Variants in CD5 observed in about 807,000 individuals in gnomAD.
CD5 encodes T-cell surface glycoprotein CD5.
Under a neutral mutation model 60.3 loss-of-function variants are expected in CD5, and 36 were observed. That is an observed-to-expected ratio of 0.60 (90% CI 0.46 to 0.79). The LOEUF (loss-of-function observed/expected upper bound fraction) is 0.79. Among genes scored for constraint, CD5 ranks in the 30% least tolerant of loss-of-function variants. CD5 has a pLI of 0.00. For missense variants in CD5, 540 were observed against 630.6 expected, an observed-to-expected ratio of 0.86 and a Z score of 1.54; for synonymous variants, 230 against 257.6, an observed-to-expected ratio of 0.89 and a Z score of 1.03.
chr11:61,119,615 G>C (rs757832365), intron 5 of CD5, 40 bp downstream of exon 5: 1 of 1,451,340 alleles, frequency 6.9e-7, no homozygotes, highest in Non-Finnish European at 9.5e-7. Flanking sequence ...ACCTTCTGCT[G>C]CCCTAGGTGG....
intron 9 of CD5, 29 bp from the exon 10 acceptor site, chr11:61,125,722 T>G (rs1252524158): frequency 6.4e-7 from 1 of 1,561,136 alleles, no homozygotes; most frequent in Admixed American, 1.7e-5. Context: ...TCAAAAACCC[T>G]CTGCAAACAG....
At chr11:61,114,658 A>AATG (rs1860910901) in intron 1 of CD5, among the ~76,000 whole-genome samples, 1 of 151,992 alleles carries the variant, frequency 6.6e-6, no homozygotes, top group Middle Eastern at 3.2e-3. Flanking sequence ...TAATAATAAT[A>AATG]ATAATTGATG....
In CD5 at chr11:61,108,168, T is replaced by C. The variant is rs537437896; in HGVS notation, c.55+5553T>C. On this transcript the variant is annotated intron_variant, in intron 1 of 10. Coordinates refer to ENST00000347785, the MANE Select transcript of CD5 (RefSeq NM_014207.4). ...AACAAGTCTAGTGCATGAGAGAGCT[T>C]TGGGGTAGGTAAAGCTCTAAACAAA... is the stretch of plus-strand genomic sequence containing the variant. Among the ~76,000 whole-genome samples, 250 of 152,236 alleles carry C rather than the reference T, an allele frequency of 1.6e-3. 1 individual carries two copies. Among genetic ancestry groups the C allele is most frequent in the Non-Finnish European group, 1.9e-3 (127 of 68,004 alleles).
chr11:61,105,847 G>A (rs776267229), intron 1 of CD5, among the ~76,000 whole-genome samples: 44 of 152,144 alleles, frequency 2.9e-4, no homozygotes, highest in Non-Finnish European at 4.7e-4. Context: ...ACCAAAGACC[G>A]GGCATGGTGG....
chr11:61,105,524 C>A (rs1860765058), intron 1 of CD5, among the ~76,000 whole-genome samples: 1 of 152,126 alleles, frequency 6.6e-6, no homozygotes, highest in African/African-American at 2.4e-5. Context: ...ACTCAATAAA[C>A]AATAATAACA....
At chr11:61,125,956 G>A (rs1024127899) in intron 10 of CD5, 115 bp downstream of exon 10, 8 of 507,504 alleles carry the variant, frequency 1.6e-5, no homozygotes, top group Non-Finnish European at 3.3e-6. Context: ...ATGAATAGGG[G>A]ACCCCCAGCA....
the CD5 span, among the ~76,000 whole-genome samples, chr11:61,095,732 AG>A: frequency 1.1e-4 from 16 of 152,232 alleles, no homozygotes; most frequent in Non-Finnish European, 2.1e-4. Flanking sequence ...GTCTAAGGAA[AG>A]GGGCTCAAAA....
At chr11:61,094,895 G>A in the CD5 span, among the ~76,000 whole-genome samples, 2 of 152,124 alleles carry the variant, frequency 1.3e-5, no homozygotes, top group East Asian at 1.9e-4. Context: ...CCCTTGTCTC[G>A]AAGGTATGGC....
intron 1 of CD5, among the ~76,000 whole-genome samples, chr11:61,106,340 GA>G (rs1860779104): frequency 6.6e-6 from 1 of 152,088 alleles, no homozygotes; most frequent in Non-Finnish European, 1.5e-5. Context: ...GCCAGGCAGA[GA>G]AAAAAGGGAA....
chr11:61,117,279 C>T (rs754920539), intron 2 of CD5, among the ~76,000 whole-genome samples: 4 of 152,146 alleles, frequency 2.6e-5, no homozygotes, highest in Admixed American at 1.3e-4. Context: ...ACAGGCAAAA[C>T]TCATCTTTTG....
the CD5 span, among the ~76,000 whole-genome samples, chr11:61,095,592 G>A: frequency 1.1e-4 from 17 of 152,204 alleles, no homozygotes; most frequent in Admixed American, 7.2e-4. Context: ...AGAGAAGCAC[G>A]TCCCAGCCAA....
intron 1 of CD5, among the ~76,000 whole-genome samples, chr11:61,106,851 T>C (rs746783529): frequency 3.3e-5 from 5 of 152,228 alleles, no homozygotes; most frequent in African/African-American, 4.8e-5. Flanking sequence ...GGTTCCTTGC[T>C]GTGTCCACCT....
intron 8 of CD5, 92 bp downstream of exon 8, chr11:61,124,029 C>G: frequency 9.8e-7 from 1 of 1,017,568 alleles, no homozygotes; most frequent in Admixed American, 1.9e-5. Context: ...CAGACGGAGC[C>G]TGTGGCTGCT....
At chr11:61,094,769 G>A in the CD5 span, among the ~76,000 whole-genome samples, 1 of 152,098 alleles carries the variant, frequency 6.6e-6, no homozygotes, top group Non-Finnish European at 1.5e-5. Context: ...ATTTCAAAAA[G>A]GGATTTAAGG....
In CD5 at chr11:61,121,797, A is replaced by G; in HGVS notation, c.992A>G (p.Asp331Gly). 1 of 1,610,556 alleles carries G rather than the reference A, an allele frequency of 6.2e-7. No individual in the cohort carries two copies. Among genetic ancestry groups the G allele is most frequent in the Non-Finnish European group, 8.5e-7 (1 of 1,177,384 alleles). The change falls in exon 6 of 11, where the codon GAC (aspartate) becomes GGC (glycine). Residue 331 changes from aspartate to glycine, a missense_variant. By Grantham distance (94) the Asp-to-Gly change is moderately conservative. Transcript: ENST00000347785. ...AGCGTCAACTCCTATCGAGTGCTGG[A>G]CGCTGGTGACCCAACATCCCGGGGG... ...CGSVNSYRVL[D>G]AGDPTSRGLF... is the part of the protein sequence containing the mutation.
At chr11:61,111,500 G>A (rs1424777785) in intron 1 of CD5, among the ~76,000 whole-genome samples, 3 of 152,168 alleles carry the variant, frequency 2.0e-5, no homozygotes, top group African/African-American at 4.8e-5. Flanking sequence ...AATAATGAAC[G>A]TTGAGTATGA....
rs1178826173 is a variant in CD5 at position 61,122,364 on chromosome 11, GTGGATGGATGA to G, written c.1099+471_1099+481del. On this transcript the variant is annotated intron_variant, in intron 6 of 10. Transcript: ENST00000347785. The stretch of plus-strand genomic sequence containing the variant: ...GATGGATGGATGGATCGGTGGGTGG[GTGGATGGATGA>G]TGGATGGATGGATGGATGGATGGAT... Among the ~76,000 whole-genome samples, 86 of 140,782 alleles carry G rather than the reference GTGGATGGATGA, an allele frequency of 6.1e-4. 1 individual carries two copies. Among genetic ancestry groups the G allele is most frequent in the African/African-American group, 2.2e-3 (81 of 36,330 alleles). The allele number at this position is 140,782 out of a possible 152,430, so 92.4% of individuals were successfully genotyped here.
At chr11:61,123,788 A>C (rs1861103999) in intron 7 of CD5, 96 bp from the exon 8 acceptor site, 4 of 938,018 alleles carry the variant, frequency 4.3e-6, no homozygotes, top group African/African-American at 3.3e-5. Context: ...TGCCGCCACC[A>C]TCTCCCTCCC....
chr11:61,108,315 C>G (rs1265862474), intron 1 of CD5, among the ~76,000 whole-genome samples: 1 of 152,212 alleles, frequency 6.6e-6, no homozygotes, highest in African/African-American at 2.4e-5. Flanking sequence ...CTGCCCACGA[C>G]CCACTGTCCG....
Sources: allele counts gnomAD v4.1 joint callset (sites outside exome capture counted in the v4.1 genomes callset), GRCh38; gene constraint gnomAD v4.1.1; transcripts MANE v1.5; gene names NCBI Gene and HGNC (gene_info 2026-07-23, HGNC 2026-07-21).